The following ABCA12 variants were observed in gnomAD, a reference collection of about 807,000 sequenced individuals.
ABCA12 encodes the protein ATP binding cassette subfamily A member 12, also known as glucosylceramide transporter ABCA12.
In ABCA12, 156 loss-of-function variants were observed where a neutral mutation model predicts 293.5. The ratio of observed to expected loss-of-function variants is 0.53; its 90% confidence interval spans 0.47 to 0.61. ABCA12 has a LOEUF of 0.61. Among genes scored for constraint, ABCA12 ranks in the 20% least tolerant of loss-of-function variants. The probability of loss-of-function intolerance (pLI) is 0.00; values close to 1 mark genes in which losing one functional copy is unlikely to be tolerated. For missense variants in ABCA12, 2,797 were observed against 3,090.2 expected, an observed-to-expected ratio of 0.91 and a Z score of 2.25; for synonymous variants, 1,063 against 1,108.0, an observed-to-expected ratio of 0.96 and a Z score of 0.81.
At chr2:214,963,289 CTA>C (rs1271947642) in intron 39 of ABCA12, 2 of 152,082 alleles carry the variant, frequency 1.3e-5, no homozygotes, top group East Asian at 3.8e-4. Flanking sequence ...ATGAACACCT[CTA>C]TGCAAATAAA....
At chr2:214,952,067 A>C (rs987362861) in intron 44 of ABCA12, among the ~76,000 whole-genome samples, 10 of 152,106 alleles carry the variant, frequency 6.6e-5, no homozygotes, top group African/African-American at 2.2e-4. Context: ...CAAAAAAAAA[A>C]AAAATTTAAA....
chr2:215,134,587 C>CGGA (rs1703160095), intron 1 of ABCA12, among the ~76,000 whole-genome samples: 1 of 96,410 alleles, frequency 1.0e-5, no homozygotes, highest in African/African-American at 7.7e-5. Flanking sequence ...ATCTCTCTCT[C>CGGA]TCTCTCTCTC....
chr2:214,942,885 G>T lies in ABCA12; in HGVS notation c.7436+40C>A. 2.6e-6 allele frequency: 4 copies of T among 1,517,992 alleles called. No homozygotes were observed. The South Asian group carries it at 3.4e-5, about 13-fold the overall frequency. The allele number at this position is 1,517,992 out of a possible 1,614,324, so 94.0% of individuals were successfully genotyped here. A position where few individuals can be genotyped will look rare whatever the true frequency, so the allele number is the denominator to read the frequency against. ...TCTGAGTGAGCACCATTAGATAGAT[G>T]ACCCAACACTATCTGTTAAGCAATG... On this transcript the variant is annotated intron_variant, in intron 50 of 52. Transcript: ENST00000272895.
rs1165460939 is a variant in ABCA12 at position 214,948,747 on chromosome 2, G to C, written c.6963-10C>G. 10 of 1,613,976 alleles carry C rather than the reference G, an allele frequency of 6.2e-6. No individual in the cohort carries two copies. The highest frequency in any genetic ancestry group is 8.5e-6 in the Non-Finnish European group (10 of 1,179,932). On this transcript the variant is annotated splice_polypyrimidine_tract_variant and intron_variant, in intron 46 of 52. Transcript: ENST00000272895. ...AACGTGACCCAGAGATCTGAATTGAGAGAATCAAAAACACAGATGAATTTC... is the reference window on the plus strand; with the variant it reads ...AACGTGACCCAGAGATCTGAATTGACAGAATCAAAAACACAGATGAATTTC...
At position 215,054,666 on chromosome 2, in the gene ABCA12, T is replaced by C. The variant is rs1701385939; in HGVS notation, c.318-2A>G. The C allele has an allele frequency of 6.2e-7, 1 of 1,609,066 alleles. No individual in the cohort carries two copies. Among genetic ancestry groups the C allele is most frequent in the Non-Finnish European group, 8.5e-7 (1 of 1,176,016 alleles). On this transcript the variant is annotated splice_acceptor_variant, in intron 3 of 52. Coordinates refer to ENST00000272895, the MANE Select transcript of ABCA12 (RefSeq NM_173076.3). LOFTEE classifies it high-confidence loss of function. ...TTGGATGACTTTCTCAGAATCTCAC[T>C]AGAGAAGAAAAAGCAAGAACTCTGT...
chr2:215,014,788 T>TTC (rs368683163), intron 15 of ABCA12, among the ~76,000 whole-genome samples: 1 of 152,240 alleles, frequency 6.6e-6, no homozygotes, highest in African/African-American at 2.4e-5. Context: ...TATTTCCTTT[T>TTC]GGTTGTGTTT....
Position 215,072,170 on chromosome 2 carries a change from A to G in ABCA12, c.164-7951T>C, listed in dbSNP as rs866136331. 1.4e-4 allele frequency among the ~76,000 whole-genome samples: 22 copies of G among 152,204 alleles called. No individual in the cohort carries two copies. The South Asian group carries it at 2.7e-3, about 19-fold the overall frequency. On this transcript the variant is annotated intron_variant, in intron 2 of 52. Coordinates refer to ENST00000272895, the MANE Select transcript of ABCA12 (RefSeq NM_173076.3). The stretch of plus-strand genomic sequence containing the variant: ...TTCAATTGCTACAGCCACAAGGAAC[A>G]AGAACAAACCTTGGGTCATTTGGGT...
chr2:214,981,638 A>G (rs893456521), intron 30 of ABCA12, among the ~76,000 whole-genome samples: 1 of 152,200 alleles, frequency 6.6e-6, no homozygotes, highest in Non-Finnish European at 1.5e-5. Context: ...CAGAAAAGAA[A>G]GAGCCAATCT....
intron 2 of ABCA12, among the ~76,000 whole-genome samples, chr2:215,098,320 C>T (rs1401004563): frequency 6.6e-6 from 1 of 152,166 alleles, no homozygotes; most frequent in African/African-American, 2.4e-5. Flanking sequence ...AGTTCATTTG[C>T]CATAGAATCC....
chr2:215,054,042 C>T (rs1345569747), intron 4 of ABCA12, among the ~76,000 whole-genome samples: 1 of 151,990 alleles, frequency 6.6e-6, no homozygotes, highest in Non-Finnish European at 1.5e-5. Flanking sequence ...AGCAAGTCCA[C>T]AGTCACACTG....
intron 19 of ABCA12, 83 bp from the exon 20 acceptor site, chr2:215,004,382 G>T: frequency 1.0e-6 from 1 of 996,824 alleles, no homozygotes; most frequent in Non-Finnish European, 1.5e-6. Flanking sequence ...CCACAGTGAA[G>T]TGCAGTAACC....
At chr2:215,023,900 T>G (rs952718) in intron 11 of ABCA12, among the ~76,000 whole-genome samples, 113,953 of 152,162 alleles carry the variant, frequency 0.75, 46,906 homozygotes, top group East Asian at 0.95. Context: ...TTCTTCAAAT[T>G]TACAACTTTC....
chr2:215,113,712 T>A (rs1055468469), intron 1 of ABCA12, among the ~76,000 whole-genome samples: 3 of 152,136 alleles, frequency 2.0e-5, no homozygotes, highest in Non-Finnish European at 2.9e-5. Context: ...AAAAAAAGAT[T>A]ATATTTTTAT....
chr2:214,972,796 T>A (rs554842064), intron 36 of ABCA12, among the ~76,000 whole-genome samples: 5 of 151,896 alleles, frequency 3.3e-5, no homozygotes, highest in Admixed American at 6.6e-5. Flanking sequence ...CATAAAGAAC[T>A]TCTGAAGTTA....
Position 215,138,553 on chromosome 2 carries a change from C to CCTG in ABCA12, c.-346_-345insCAG. On this transcript the variant is annotated 5_prime_UTR_variant, in exon 1 of 53. Transcript: ENST00000272895. Reference sequence around the variant, plus strand: ...AGAATGAGCATCATTCAGATAATGCCTCACTGAAAAAAAAAAAAAAGCAGC... The same window carrying CCTG: ...AGAATGAGCATCATTCAGATAATGCCCTGTCACTGAAAAAAAAAAAAAAGCAGC... 1 of 301,126 alleles carries CCTG rather than the reference C, an allele frequency of 3.3e-6. No individual in the cohort carries two copies. Among genetic ancestry groups the CCTG allele is most frequent in the Non-Finnish European group, 6.4e-6 (1 of 157,258 alleles). 18.7% of individuals were successfully genotyped at this position (301,126 alleles called of 1,614,324 possible).
At chr2:215,091,848 C>T (rs114382708) in intron 2 of ABCA12, among the ~76,000 whole-genome samples, 177 of 152,322 alleles carry the variant, frequency 1.2e-3, no homozygotes, top group African/African-American at 4.2e-3. Context: ...GGACGTCCTC[C>T]CCCAGGATCT....
At chr2:214,963,900 A>G (rs1384891122) in intron 39 of ABCA12, among the ~76,000 whole-genome samples, 1 of 140,076 alleles carries the variant, frequency 7.1e-6, no homozygotes, top group Non-Finnish European at 1.5e-5. Context: ...AGCCTGGGTG[A>G]CTGACAGAGT....
intron 2 of ABCA12, among the ~76,000 whole-genome samples, chr2:215,083,512 C>T (rs192509002): frequency 2.0e-4 from 30 of 152,130 alleles, no homozygotes; most frequent in African/African-American, 7.0e-4. Flanking sequence ...AGCAATTTTA[C>T]GTCAAAGTCT....
intron 1 of ABCA12, among the ~76,000 whole-genome samples, chr2:215,113,088 A>AC (rs1419363053): frequency 6.6e-6 from 1 of 152,182 alleles, no homozygotes; most frequent in African/African-American, 2.4e-5. Context: ...CTTTTCAGAG[A>AC]CAATTTGCTT....
Sources: allele counts gnomAD v4.1 joint callset (sites outside exome capture counted in the v4.1 genomes callset), GRCh38; gene constraint gnomAD v4.1.1; transcripts MANE v1.5; gene names NCBI Gene and HGNC (gene_info 2026-07-23, HGNC 2026-07-21).